The following FOCAD variants were observed in gnomAD, a reference collection of about 807,000 sequenced individuals.
The protein encoded by FOCAD is focadhesin.
A neutral mutation model predicts 225.6 loss-of-function variants in FOCAD; 198 were observed. The ratio of observed to expected loss-of-function variants is 0.88; its 90% CI spans 0.78 to 0.99. The LOEUF (loss-of-function observed/expected upper bound fraction) is 0.99. Ranked by LOEUF, FOCAD falls within the 50% of genes least tolerant of loss-of-function variation. The pLI, the probability that FOCAD is intolerant of heterozygous loss-of-function variation, is 0.00. For missense variants in FOCAD, 2,713 were observed against 2,123.6 expected, an observed-to-expected ratio of 1.28 and a Z score of -5.46; for synonymous variants, 897 against 755.0, an observed-to-expected ratio of 1.19 and a Z score of -3.08.
intron 4 of FOCAD, among the ~76,000 whole-genome samples, chr9:20,736,629 G>A (rs1047482301): frequency 5.9e-5 from 9 of 152,188 alleles, no homozygotes; most frequent in South Asian, 2.1e-4. Flanking sequence ...CTTACACAGC[G>A]TCATCTGAAA....
At chr9:20,988,131 A>T (rs1421240967) in intron 40 of FOCAD, among the ~76,000 whole-genome samples, 1 of 152,246 alleles carries the variant, frequency 6.6e-6, no homozygotes, top group African/African-American at 2.4e-5. Flanking sequence ...ATCAAAGACC[A>T]AAATACTGTT....
At chr9:20,735,872 A>G (rs903538522) in intron 4 of FOCAD, among the ~76,000 whole-genome samples, 1 of 151,764 alleles carries the variant, frequency 6.6e-6, no homozygotes, top group Non-Finnish European at 1.5e-5. Flanking sequence ...TTATTGGGAT[A>G]TAATTCAAAT....
chr9:20,813,189 G>T (rs963137155), intron 11 of FOCAD, among the ~76,000 whole-genome samples: 2 of 152,042 alleles, frequency 1.3e-5, no homozygotes, highest in Admixed American at 6.6e-5. Context: ...GTATATGATA[G>T]AATTTTTCTT....
intron 4 of FOCAD, among the ~76,000 whole-genome samples, chr9:20,723,686 C>T (rs1825971729): frequency 2.0e-5 from 3 of 152,058 alleles, no homozygotes; most frequent in African/African-American, 4.8e-5. Flanking sequence ...TGTATATTTT[C>T]CTTCCTTAAC....
chr9:20,732,721 T>G (rs565671220), intron 4 of FOCAD, among the ~76,000 whole-genome samples: 1 of 152,238 alleles, frequency 6.6e-6, no homozygotes, highest in Non-Finnish European at 1.5e-5. Flanking sequence ...AGGTGGCTGT[T>G]GCTGTAGTCG....
chr9:20,968,652 G>A (rs1426733460), intron 35 of FOCAD, among the ~76,000 whole-genome samples: 2 of 151,698 alleles, frequency 1.3e-5, no homozygotes, highest in East Asian at 1.9e-4. Context: ...ATGCTGTCTA[G>A]GCTGTCGAAC....
At chr9:20,823,733 C>T (rs987914530) in intron 15 of FOCAD, among the ~76,000 whole-genome samples, 3 of 152,042 alleles carry the variant, frequency 2.0e-5, no homozygotes, top group African/African-American at 7.2e-5. Context: ...AACATATATA[C>T]CCAATTGTAG....
At chr9:20,789,015 G>T (rs1253488179) in intron 10 of FOCAD, among the ~76,000 whole-genome samples, 1 of 151,900 alleles carries the variant, frequency 6.6e-6, no homozygotes, top group Non-Finnish European at 1.5e-5. Flanking sequence ...CTTCTCATTG[G>T]TGAATACTTT....
At chr9:20,857,046 T>C (rs191172348) in intron 15 of FOCAD, among the ~76,000 whole-genome samples, 1 of 152,216 alleles carries the variant, frequency 6.6e-6, no homozygotes, top group East Asian at 1.9e-4. Flanking sequence ...TTGTTGTTTT[T>C]ACTCAGGATG....
At chr9:20,962,421 T>TACAC (rs1248396845) in intron 35 of FOCAD, among the ~76,000 whole-genome samples, 1 of 146,032 alleles carries the variant, frequency 6.8e-6, no homozygotes, top group African/African-American at 2.6e-5. Flanking sequence ...CACACACACA[T>TACAC]ACATACATAC....
chr9:20,808,708 G>A (rs956018981), intron 11 of FOCAD, among the ~76,000 whole-genome samples: 7 of 152,116 alleles, frequency 4.6e-5, no homozygotes, highest in Admixed American at 2.6e-4. Flanking sequence ...TCCTGGCATC[G>A]ACTGTCATCT....
chr9:20,885,469 C>A (rs1425628878), intron 21 of FOCAD: 3 of 241,974 alleles, frequency 1.2e-5, no homozygotes, highest in Non-Finnish European at 7.8e-6. Context: ...TAGGAATTTG[C>A]TTTACTTCAT....
chr9:20,768,618 A>T lies in FOCAD; in HGVS notation c.700-1414A>T, dbSNP rs117449685. Among the ~76,000 whole-genome samples, 84 of 152,228 alleles carry T rather than the reference A, an allele frequency of 5.5e-4. 2 individuals are homozygous for T. In the East Asian group the frequency reaches 0.016, roughly 28 times the overall value. ...TGAATGGGAGTTCACTCATGATTTG[A>T]TGTGGTCTTACTTATACTGAGCACT... On this transcript the variant is annotated intron_variant, in intron 7 of 43. Transcript: ENST00000338382.
chr9:20,978,628 C>T (rs1840417340), intron 37 of FOCAD, among the ~76,000 whole-genome samples, 174 bp downstream of exon 37: 2 of 152,144 alleles, frequency 1.3e-5, no homozygotes, highest in African/African-American at 2.4e-5. Flanking sequence ...AGTTCAGAAC[C>T]CTGCCATAGC....
intron 25 of FOCAD, among the ~76,000 whole-genome samples, chr9:20,923,983 T>C (rs1834706730): frequency 6.6e-6 from 1 of 152,194 alleles, no homozygotes; most frequent in Admixed American, 6.5e-5. Flanking sequence ...CATTTCTATT[T>C]GAAGGTGCCA....
chr9:20,694,395 C>G (rs1429054688), intron 1 of FOCAD: 1 of 152,046 alleles, frequency 6.6e-6, no homozygotes, highest in Non-Finnish European at 1.5e-5. Flanking sequence ...TCAATCTGAA[C>G]CATGAAGCTA....
intron 8 of FOCAD, among the ~76,000 whole-genome samples, chr9:20,776,660 C>G (rs1327502089): frequency 6.6e-6 from 1 of 152,178 alleles, no homozygotes; most frequent in African/African-American, 2.4e-5. Flanking sequence ...CTTTTAAGTT[C>G]CATCCACTTA....
chr9:20,989,935 T>G (rs141726057), intron 41 of FOCAD, among the ~76,000 whole-genome samples, 188 bp from the exon 42 acceptor site: 9 of 152,314 alleles, frequency 5.9e-5, no homozygotes, highest in African/African-American at 1.9e-4. Context: ...AAAATGTATC[T>G]TCATTAAACA....
chr9:20,891,554 G>A (rs564045704), intron 21 of FOCAD, among the ~76,000 whole-genome samples: 2 of 152,260 alleles, frequency 1.3e-5, no homozygotes, highest in East Asian at 1.9e-4. Context: ...ATAAAGGAAC[G>A]AACCAACCAT....
Sources: gnomAD v4.1 joint callset for allele counts (sites outside exome capture counted in the v4.1 genomes callset) on GRCh38, gnomAD v4.1.1 for gene constraint, MANE v1.5 for transcripts, NCBI Gene and HGNC (gene_info 2026-07-23, HGNC 2026-07-21) for gene names.